The following BTBD9 variants were observed in gnomAD, a reference collection of about 807,000 sequenced individuals.
BTBD9 encodes the protein BTB domain containing 9.
A neutral mutation model predicts 64.3 loss-of-function variants in BTBD9; 49 were observed. The observed-to-expected ratio is 0.76, with a 90% CI of 0.61 to 0.97. BTBD9 has a LOEUF of 0.97. Ranked by LOEUF, BTBD9 falls within the 50% of genes least tolerant of loss-of-function variation. The pLI is 0.00. For missense variants in BTBD9, 598 were observed against 762.1 expected, an observed-to-expected ratio of 0.78 and a Z score of 2.53; for synonymous variants, 260 against 274.7, an observed-to-expected ratio of 0.95 and a Z score of 0.53.
intron 1 of BTBD9, among the ~76,000 whole-genome samples, chr6:38,626,989 C>T (rs2127528817): frequency 1.3e-5 from 2 of 152,292 alleles, no homozygotes; most frequent in African/African-American, 4.8e-5. Flanking sequence ...GTAAAGTATA[C>T]ATATTTTAAT....
intron 7 of BTBD9, among the ~76,000 whole-genome samples, chr6:38,334,240 T>C (rs1763792375): frequency 6.6e-6 from 1 of 152,176 alleles, no homozygotes; most frequent in Non-Finnish European, 1.5e-5. Context: ...CTCATATGCA[T>C]GAACACAGAG....
At chr6:38,471,048 TA>T (rs1344914665) in intron 6 of BTBD9, among the ~76,000 whole-genome samples, 1 of 152,224 alleles carries the variant, frequency 6.6e-6, no homozygotes, top group African/African-American at 2.4e-5. Context: ...TTTGGAGCTC[TA>T]AGGAACATGT....
rs188446889 is a variant in BTBD9, at chr6:38,258,835, A to G, written c.1455-2319T>C. Among the ~76,000 whole-genome samples, 748 of 152,326 alleles carry G rather than the reference A, an allele frequency of 4.9e-3. 9 individuals are homozygous for G. Among genetic ancestry groups the G allele is most frequent in the African/African-American group, 0.017 (716 of 41,570 alleles). On this transcript the variant is annotated intron_variant, in intron 8 of 10. Transcript: ENST00000481247. Reference sequence around the variant, plus strand: ...AATCCAGGAGGCGGAGCTTGCAGTGAGCTGAGATCATACCACTGCACTCTG... The same window carrying G: ...AATCCAGGAGGCGGAGCTTGCAGTGGGCTGAGATCATACCACTGCACTCTG...
At chr6:38,340,394 C>G (rs375664843) in intron 7 of BTBD9, among the ~76,000 whole-genome samples, 1 of 152,026 alleles carries the variant, frequency 6.6e-6, no homozygotes, top group Non-Finnish European at 1.5e-5. Context: ...CCAGAAAGCA[C>G]GGAACTATCA....
chr6:38,235,411 G>A (rs955622212), intron 9 of BTBD9, among the ~76,000 whole-genome samples: 1 of 152,146 alleles, frequency 6.6e-6, no homozygotes, highest in Non-Finnish European at 1.5e-5. Context: ...AACCTTCAGG[G>A]CTGACATGCA....
chr6:38,424,443 A>G (rs1265740745), intron 6 of BTBD9, among the ~76,000 whole-genome samples: 1 of 151,958 alleles, frequency 6.6e-6, no homozygotes, highest in Non-Finnish European at 1.5e-5. Flanking sequence ...ATGGGCCACA[A>G]ACATTAGGTA....
chr6:38,238,471 T>TTG, intron 9 of BTBD9, among the ~76,000 whole-genome samples: 1 of 26,634 alleles, frequency 3.8e-5, no homozygotes, highest in Non-Finnish European at 8.6e-5. Context: ...GAGACCAAGG[T>TTG]TTTTTGTTTT....
In BTBD9 at chr6:38,539,197, A is replaced by G. The variant is rs182295736; in HGVS notation, c.1154+38403T>C. On this transcript the variant is annotated intron_variant, in intron 6 of 10. Coordinates refer to ENST00000481247, the MANE Select transcript of BTBD9 (RefSeq NM_001099272.2). ...TCCTCCCATCTTGGCCTCCCAAAGC[A>G]CTGGGATTACAGGCATGAGCCACCG... is the stretch of plus-strand genomic sequence containing the variant. Among the ~76,000 whole-genome samples the G allele has an allele frequency of 6.6e-4, 101 of 152,192 alleles. No individual in the cohort carries two copies. In the East Asian group the frequency reaches 0.016, roughly 24 times the overall value.
chr6:38,472,793 T>A (rs997019681), intron 6 of BTBD9, among the ~76,000 whole-genome samples: 1 of 152,144 alleles, frequency 6.6e-6, no homozygotes, highest in Non-Finnish European at 1.5e-5. Context: ...CCTGCTCAAG[T>A]CATAATCAAG....
chr6:38,384,762 T>C (rs988014343), intron 6 of BTBD9, among the ~76,000 whole-genome samples: 3 of 152,158 alleles, frequency 2.0e-5, no homozygotes, highest in African/African-American at 7.2e-5. Flanking sequence ...GTAAAAGGCC[T>C]CTAGGGTGCA....
intron 6 of BTBD9, among the ~76,000 whole-genome samples, chr6:38,388,478 T>C (rs1216608555): frequency 6.6e-6 from 1 of 152,248 alleles, no homozygotes; most frequent in African/African-American, 2.4e-5. Flanking sequence ...CAGCTTTATG[T>C]GTTCCACTGA....
At chr6:38,503,835 T>G (rs566325666) in intron 6 of BTBD9, among the ~76,000 whole-genome samples, 1 of 152,328 alleles carries the variant, frequency 6.6e-6, no homozygotes, top group East Asian at 1.9e-4. Flanking sequence ...ACCTCAGTGA[T>G]TCAAATCCAT....
intron 1 of BTBD9, among the ~76,000 whole-genome samples, chr6:38,602,556 G>T (rs1777290999): frequency 6.6e-6 from 1 of 151,946 alleles, no homozygotes; most frequent in Non-Finnish European, 1.5e-5. Context: ...TAAGTCACTA[G>T]ACTGGGGCTG....
rs563640177 is a variant in BTBD9 at position 38,464,953 on chromosome 6, C to G, written c.1154+112647G>C. On this transcript the variant is annotated intron_variant, in intron 6 of 10. Transcript: ENST00000481247. ...TATTCCTTAAATGTTTAGCAGAATT[C>G]ATCAGTAAAGCCATCTGAGCCTGGT... Among the ~76,000 whole-genome samples, 275 of 152,206 alleles carry G rather than the reference C, an allele frequency of 1.8e-3. 1 individual carries two copies. Among genetic ancestry groups the G allele is most frequent in the African/African-American group, 6.3e-3 (263 of 41,530 alleles).
At position 38,181,331 on chromosome 6, in the gene BTBD9, C is replaced by T. The variant is rs574229460; in HGVS notation, c.1642-6149G>A. Among the ~76,000 whole-genome samples, 3 of 152,324 alleles carry T rather than the reference C, an allele frequency of 2.0e-5. No homozygotes were observed. In the South Asian group the frequency reaches 6.2e-4, roughly 32 times the overall value. On this transcript the variant is annotated intron_variant, in intron 10 of 10. Transcript: ENST00000481247. ...ATTTCTGATCCAAGTTTTCAACTTA[C>T]AAATACAAGTTGACAAATCTTTATA...
At chr6:38,212,921 A>G (rs548679184) in intron 9 of BTBD9, among the ~76,000 whole-genome samples, 17 of 152,192 alleles carry the variant, frequency 1.1e-4, no homozygotes, top group African/African-American at 2.6e-4. Context: ...GCAGGAGCCA[A>G]TTTTCAAATG....
chr6:38,605,235 C>T (rs111624546), intron 1 of BTBD9, among the ~76,000 whole-genome samples: 20,378 of 151,702 alleles, frequency 0.13, 1,562 homozygotes, highest in African/African-American at 0.15. Context: ...TTAGTAGAGA[C>T]GGGGTTTCAC....
At chr6:38,595,481 A>T (rs1045305754) in intron 2 of BTBD9, among the ~76,000 whole-genome samples, 1 of 152,224 alleles carries the variant, frequency 6.6e-6, no homozygotes, top group African/African-American at 2.4e-5. Flanking sequence ...AATATGAACC[A>T]ATTAAACTTC....
rs754036605 is a variant in BTBD9 at position 38,594,064 on chromosome 6, C to T, written c.449G>A (p.Ser150Asn). 6.2e-7 allele frequency: 1 copy of T among 1,614,124 alleles called. No individual in the cohort carries two copies. The highest frequency in any genetic ancestry group is 1.1e-5 in the South Asian group (1 of 91,074). The part of the protein sequence containing the change: ...QNVCMTFDVA[S>N]LYSLPKLTCM... The stretch of plus-strand genomic sequence containing the variant: ...AGTTAACTTGGGAAGTGAGTAGAGA[C>T]TGGCAACATCAAAAGTCATGCAGAC... The change falls in exon 3 of 11, where the codon AGT (serine) becomes AAT (asparagine). Residue 150 changes from serine to asparagine, a missense_variant. By Grantham distance (46) the Ser-to-Asn change is conservative. Transcript: ENST00000481247.
Sources: gnomAD v4.1 joint callset for allele counts (sites outside exome capture counted in the v4.1 genomes callset) on GRCh38, gnomAD v4.1.1 for gene constraint, MANE v1.5 for transcripts, NCBI Gene and HGNC (gene_info 2026-07-23, HGNC 2026-07-21) for gene names.